ENTREP2: variants seen among roughly 807,000 people sequenced by gnomAD.
ENTREP2 encodes protein ENTREP2.
chr15:29,211,067 G>A, the ENTREP2 span, among the ~76,000 whole-genome samples: 6 of 152,196 alleles, frequency 3.9e-5, no homozygotes, highest in Non-Finnish European at 8.8e-5. Context: ...GAAGGGGATT[G>A]TCTGTAAAAT....
chr15:29,175,799 G>T, the ENTREP2 span, among the ~76,000 whole-genome samples: 1 of 152,192 alleles, frequency 6.6e-6, no homozygotes, highest in African/African-American at 2.4e-5. Flanking sequence ...GTAGAGACGG[G>T]GTTTCACCAT....
chr15:29,269,736 C>G, the ENTREP2 span: 1 of 1,459,206 alleles, frequency 6.9e-7, no homozygotes, highest in South Asian at 1.4e-5. Context: ...GCGCACACTC[C>G]GGTAGGCAAG....
At chr15:29,197,344 C>T in the ENTREP2 span, among the ~76,000 whole-genome samples, 23 of 152,108 alleles carry the variant, frequency 1.5e-4, no homozygotes, top group African/African-American at 4.3e-4. Flanking sequence ...TGCAGCTACT[C>T]GGCAGGCCAG....
the ENTREP2 span, among the ~76,000 whole-genome samples, chr15:29,379,900 C>A: frequency 6.6e-6 from 1 of 152,104 alleles, no homozygotes; most frequent in Non-Finnish European, 1.5e-5. Flanking sequence ...CTGTCTGCAC[C>A]ATGAAGGTGG....
the ENTREP2 span, among the ~76,000 whole-genome samples, chr15:29,175,661 G>A: frequency 1.3e-5 from 2 of 152,242 alleles, no homozygotes; most frequent in South Asian, 2.1e-4. Context: ...CTGGAGTGCA[G>A]TGGCACGATC....
At chr15:29,345,696 C>A in the ENTREP2 span, among the ~76,000 whole-genome samples, 4 of 151,974 alleles carry the variant, frequency 2.6e-5, no homozygotes, top group African/African-American at 7.2e-5. Flanking sequence ...CCCACATCCC[C>A]CCCAGCTCCT....
At chr15:29,433,344 C>T in the ENTREP2 span, among the ~76,000 whole-genome samples, 1 of 152,172 alleles carries the variant, frequency 6.6e-6, no homozygotes, top group African/African-American at 2.4e-5. Flanking sequence ...CCACAGGTGC[C>T]CCTTCCCAGT....
the ENTREP2 span, among the ~76,000 whole-genome samples, chr15:29,155,143 G>A: frequency 0.23 from 34,893 of 151,618 alleles, 5,086 homozygotes; most frequent in Non-Finnish European, 0.32. Flanking sequence ...TTAGTCGGGC[G>A]TGGTGGCCGG....
the ENTREP2 span, among the ~76,000 whole-genome samples, chr15:29,317,255 T>A: frequency 6.6e-6 from 1 of 152,310 alleles, no homozygotes; most frequent in African/African-American, 2.4e-5. Context: ...TTACCATAAA[T>A]AACATTTAAT....
At chr15:29,443,414 T>C in the ENTREP2 span, among the ~76,000 whole-genome samples, 3 of 152,142 alleles carry the variant, frequency 2.0e-5, no homozygotes. Flanking sequence ...GAAGAGGCCC[T>C]ACCTTGGGGA....
At chr15:29,587,252 C>T in the ENTREP2 span, among the ~76,000 whole-genome samples, 5 of 151,304 alleles carry the variant, frequency 3.3e-5, no homozygotes, top group African/African-American at 1.2e-4. Flanking sequence ...CAATGAACAT[C>T]CCAAGGGCCC....
At chr15:29,304,278 C>T in the ENTREP2 span, among the ~76,000 whole-genome samples, 79,202 of 151,946 alleles carry the variant, frequency 0.52, 23,371 homozygotes, top group African/African-American at 0.83. Context: ...AACTTGACAC[C>T]TGACCAAATG....
chr15:29,407,870 C>T, the ENTREP2 span, among the ~76,000 whole-genome samples: 2 of 151,950 alleles, frequency 1.3e-5, no homozygotes, highest in Non-Finnish European at 2.9e-5. Flanking sequence ...ATGGAGATAG[C>T]GTTTCACCAT....
chr15:29,330,435 C>T, the ENTREP2 span, among the ~76,000 whole-genome samples: 4 of 151,914 alleles, frequency 2.6e-5, no homozygotes, highest in African/African-American at 4.8e-5. Context: ...GGCGACAGAG[C>T]GAGACTCTGT....
At chr15:29,392,597 T>C in the ENTREP2 span, among the ~76,000 whole-genome samples, 1 of 152,200 alleles carries the variant, frequency 6.6e-6, no homozygotes, top group Admixed American at 6.5e-5. Flanking sequence ...TTTGAGATCA[T>C]CTCCTTGCCT....
chr15:29,431,265 C>T, the ENTREP2 span, among the ~76,000 whole-genome samples: 1 of 152,118 alleles, frequency 6.6e-6, no homozygotes, highest in South Asian at 2.1e-4. Flanking sequence ...TGCGATGCCA[C>T]GCTGGCCCCT....
chr15:29,247,201 A>G, the ENTREP2 span, among the ~76,000 whole-genome samples: 1 of 152,240 alleles, frequency 6.6e-6, no homozygotes, highest in Non-Finnish European at 1.5e-5. Flanking sequence ...ACTGGAGTGA[A>G]GAAGTTGAAA....
the ENTREP2 span, among the ~76,000 whole-genome samples, chr15:29,342,581 G>T: frequency 0.047 from 7,090 of 152,144 alleles, 558 homozygotes; most frequent in African/African-American, 0.16. Flanking sequence ...TGGTTGGGGG[G>T]GCATTTTACA....
the ENTREP2 span, among the ~76,000 whole-genome samples, chr15:29,141,399 C>T: frequency 6.6e-6 from 1 of 152,198 alleles, no homozygotes; most frequent in South Asian, 2.1e-4. Flanking sequence ...GAAAGGAAGG[C>T]TTGGATCATT....
Sources: allele counts gnomAD v4.1 joint callset (sites outside exome capture counted in the v4.1 genomes callset), GRCh38; gene constraint gnomAD v4.1.1; transcripts MANE v1.5; gene names NCBI Gene and HGNC (gene_info 2026-07-23, HGNC 2026-07-21).